SCHIP1: variants seen among roughly 807,000 people sequenced by gnomAD.
The protein encoded by SCHIP1 is schwannomin-interacting protein 1.
Under a neutral mutation model 29.7 loss-of-function variants are expected in SCHIP1, and 8 were observed. The ratio of observed to expected loss-of-function variants is 0.27; its 90% CI spans 0.16 to 0.49. SCHIP1 has a LOEUF of 0.49. Ranked by LOEUF, SCHIP1 falls within the 20% of genes least tolerant of loss-of-function variation. The pLI, the probability that SCHIP1 is intolerant of heterozygous loss-of-function variation, is 0.99. For synonymous variants in SCHIP1, 76 were observed against 94.9 expected, an observed-to-expected ratio of 0.80 and a Z score of 1.16; for missense variants, 193 against 294.6, an observed-to-expected ratio of 0.66 and a Z score of 2.52.
At chr3:159,554,274 C>T in the SCHIP1 span, among the ~76,000 whole-genome samples, 2 of 152,132 alleles carry the variant, frequency 1.3e-5, no homozygotes, top group East Asian at 3.9e-4. Context: ...AGAAAGTTAG[C>T]CATGAAATTT....
chr3:159,869,067 C>T (rs1224355836), intron 2 of SCHIP1, among the ~76,000 whole-genome samples: 1 of 151,940 alleles, frequency 6.6e-6, no homozygotes, highest in African/African-American at 2.4e-5. Context: ...CTGTTTGGGT[C>T]CTATGCCAAA....
chr3:159,358,581 A>T, the SCHIP1 span, among the ~76,000 whole-genome samples: 1 of 152,184 alleles, frequency 6.6e-6, no homozygotes, highest in Non-Finnish European at 1.5e-5. Context: ...TGCACTTCCC[A>T]AAAAGAGCCA....
the SCHIP1 span, among the ~76,000 whole-genome samples, chr3:159,300,100 C>A: frequency 7.5e-6 from 1 of 133,350 alleles, no homozygotes; most frequent in African/African-American, 2.7e-5. Flanking sequence ...ATTCTGGCTC[C>A]CAGGGAAAGC....
At chr3:159,738,146 A>G in the SCHIP1 span, among the ~76,000 whole-genome samples, 1 of 152,052 alleles carries the variant, frequency 6.6e-6, no homozygotes. Context: ...TGTCTAATGC[A>G]TGTTTTAACA....
At chr3:159,490,880 T>C in the SCHIP1 span, among the ~76,000 whole-genome samples, 1 of 152,162 alleles carries the variant, frequency 6.6e-6, no homozygotes, top group Non-Finnish European at 1.5e-5. Flanking sequence ...TGAGTATGGC[T>C]CTACACCAAG....
At chr3:159,670,079 GA>G in the SCHIP1 span, among the ~76,000 whole-genome samples, 1 of 152,212 alleles carries the variant, frequency 6.6e-6, no homozygotes, top group African/African-American at 2.4e-5. Flanking sequence ...AACTCTTTAA[GA>G]AAATGATCTG....
At chr3:159,716,743 A>T in the SCHIP1 span, among the ~76,000 whole-genome samples, 4,641 of 152,198 alleles carry the variant, frequency 0.03, 116 homozygotes, top group East Asian at 0.06. Context: ...GTAAAGCAAG[A>T]CCTTAGAGAC....
At chr3:159,710,424 AAAGGGT>A in the SCHIP1 span, among the ~76,000 whole-genome samples, 186 of 152,296 alleles carry the variant, frequency 1.2e-3, no homozygotes, top group African/African-American at 4.4e-3. Context: ...AATGTTAGTC[AAAGGGT>A]ACAAAGTTTC....
At chr3:159,724,384 G>A in the SCHIP1 span, among the ~76,000 whole-genome samples, 2 of 152,172 alleles carry the variant, frequency 1.3e-5, no homozygotes, top group African/African-American at 4.8e-5. Context: ...GGAGGATTAG[G>A]TCAGGAGACA....
the SCHIP1 span, among the ~76,000 whole-genome samples, chr3:159,462,209 AAAAAAAT>A: frequency 5.3e-5 from 8 of 152,170 alleles, no homozygotes; most frequent in East Asian, 3.9e-4. Context: ...ACTCCATCTC[AAAAAAAT>A]AAAAAATAAA....
At chr3:159,646,198 T>A in the SCHIP1 span, among the ~76,000 whole-genome samples, 2 of 152,168 alleles carry the variant, frequency 1.3e-5, no homozygotes, top group African/African-American at 4.8e-5. Flanking sequence ...TCTCCACCTA[T>A]GGAGCCATGG....
At chr3:159,674,690 G>A in the SCHIP1 span, among the ~76,000 whole-genome samples, 579 of 151,112 alleles carry the variant, frequency 3.8e-3, 5 homozygotes, top group African/African-American at 0.012. Context: ...GAGGCAAGGT[G>A]TATATAAGCA....
chr3:159,491,554 G>A, the SCHIP1 span, among the ~76,000 whole-genome samples: 1 of 152,202 alleles, frequency 6.6e-6, no homozygotes, highest in Admixed American at 6.5e-5. Flanking sequence ...GCGAGGCTGG[G>A]GGAGGGGCGC....
the SCHIP1 span, among the ~76,000 whole-genome samples, chr3:159,631,177 A>C: frequency 3.3e-5 from 5 of 151,988 alleles, no homozygotes; most frequent in South Asian, 2.1e-4. Flanking sequence ...AAAAAAAAAA[A>C]CCCAGAAAAT....
chr3:159,459,726 A>G, the SCHIP1 span, among the ~76,000 whole-genome samples: 2 of 152,174 alleles, frequency 1.3e-5, no homozygotes, highest in Non-Finnish European at 2.9e-5. Context: ...CTACAATGTA[A>G]TTGTATTTAG....
chr3:159,664,289 A>G, the SCHIP1 span, among the ~76,000 whole-genome samples: 2 of 152,180 alleles, frequency 1.3e-5, no homozygotes, highest in African/African-American at 4.8e-5. Flanking sequence ...GTTTATATTT[A>G]CACTGATATA....
the SCHIP1 span, among the ~76,000 whole-genome samples, chr3:159,391,344 C>T: frequency 6.6e-6 from 1 of 152,176 alleles, no homozygotes; most frequent in South Asian, 2.1e-4. Context: ...TCTTGTATTG[C>T]AGGGACTTAA....
At chr3:159,401,267 T>C in the SCHIP1 span, 3 of 884,256 alleles carry the variant, frequency 3.4e-6, no homozygotes, top group Non-Finnish European at 4.1e-6. Flanking sequence ...TTCTAGTAAA[T>C]GCTGAGCTTG....
the SCHIP1 span, among the ~76,000 whole-genome samples, chr3:159,530,582 T>A: frequency 6.6e-6 from 1 of 152,162 alleles, no homozygotes; most frequent in Non-Finnish European, 1.5e-5. Flanking sequence ...CTCTTCACCA[T>A]GGTATGTACT....
Sources: gnomAD v4.1 joint callset for allele counts (sites outside exome capture counted in the v4.1 genomes callset) on GRCh38, gnomAD v4.1.1 for gene constraint, MANE v1.5 for transcripts, NCBI Gene and HGNC (gene_info 2026-07-23, HGNC 2026-07-21) for gene names.